LRRC7: variants seen among roughly 807,000 people sequenced by gnomAD.
LRRC7 encodes leucine rich repeat containing 7, also known as leucine-rich repeat-containing protein 7.
In LRRC7, 23 loss-of-function variants were observed where a neutral mutation model predicts 175.7. The ratio of observed to expected loss-of-function variants is 0.13; its 90% CI spans 0.09 to 0.19. The LOEUF (loss-of-function observed/expected upper bound fraction) is 0.19. Among genes scored for constraint, LRRC7 ranks in the 10% least tolerant of loss-of-function variants. The pLI is 1.00. For synonymous variants in LRRC7, 685 were observed against 680.9 expected, an observed-to-expected ratio of 1.01 and a Z score of -0.09; for missense variants, 1,354 against 1,904.7, an observed-to-expected ratio of 0.71 and a Z score of 5.38.
rs904621192 is a variant in LRRC7 at position 69,690,926 on chromosome 1, G to A, written c.100+12448G>A. Reference sequence around the variant, plus strand: ...TTCTTTGGTGACTCAGCTTCTTGTGGGGTCTTTCAGACCAGCTTGTGTCAA... The same window carrying A: ...TTCTTTGGTGACTCAGCTTCTTGTGAGGTCTTTCAGACCAGCTTGTGTCAA... On this transcript the variant is annotated intron_variant, in intron 2 of 26. Coordinates refer to ENST00000651989, the MANE Select transcript of LRRC7 (RefSeq NM_001370785.2). Among the ~76,000 whole-genome samples the A allele has an allele frequency of 1.2e-4, 19 of 152,134 alleles. 1 individual carries two copies. The highest frequency in any genetic ancestry group is 4.6e-4 in the African/African-American group (19 of 41,436).
At chr1:70,075,499 T>C (rs1276474045) in intron 23 of LRRC7, among the ~76,000 whole-genome samples, 1 of 152,196 alleles carries the variant, frequency 6.6e-6, no homozygotes, top group Non-Finnish European at 1.5e-5. Context: ...CAGAGAGAGC[T>C]CATTTCGAAG....
intron 7 of LRRC7, among the ~76,000 whole-genome samples, chr1:69,922,274 G>A (rs1646914270): frequency 6.6e-6 from 1 of 152,006 alleles, no homozygotes; most frequent in South Asian, 2.1e-4. Context: ...AATGCACCAT[G>A]ATCTCTTCCA....
chr1:69,757,695 G>A (rs1670582974), intron 2 of LRRC7, among the ~76,000 whole-genome samples: 1 of 151,918 alleles, frequency 6.6e-6, no homozygotes, highest in South Asian at 2.1e-4. Context: ...AATTTAAAAT[G>A]TGCAATGATA....
chr1:69,950,497 A>G (rs571336988), intron 8 of LRRC7, among the ~76,000 whole-genome samples: 2 of 152,288 alleles, frequency 1.3e-5, no homozygotes, highest in Admixed American at 6.5e-5. Flanking sequence ...TTTGAATGCC[A>G]TGCTAATAAT....
intron 3 of LRRC7, among the ~76,000 whole-genome samples, chr1:69,788,251 T>A (rs1337335894): frequency 1.3e-5 from 2 of 152,178 alleles, no homozygotes; most frequent in Non-Finnish European, 2.9e-5. Flanking sequence ...TCCAGACTCA[T>A]GTAAGTCTAT....
intron 8 of LRRC7, 132 bp downstream of exon 8, chr1:69,931,702 A>G (rs1647400672): frequency 1.4e-6 from 1 of 722,898 alleles, no homozygotes; most frequent in Non-Finnish European, 2.3e-6. Context: ...AAAACCTGGA[A>G]GTTAATATTA....
At chr1:69,938,048 T>C (rs921801428) in intron 8 of LRRC7, among the ~76,000 whole-genome samples, 10 of 151,916 alleles carry the variant, frequency 6.6e-5, no homozygotes, top group Non-Finnish European at 1.3e-4. Flanking sequence ...AATATGATTT[T>C]AAAAACAAAA....
chr1:69,663,808 G>A (rs1373288291), intron 1 of LRRC7, among the ~76,000 whole-genome samples: 2 of 131,244 alleles, frequency 1.5e-5, no homozygotes, highest in Non-Finnish European at 3.1e-5. Context: ...TGCAAGCTCC[G>A]CTTCCCGGGT....
rs1192196393 is a variant in LRRC7, at chr1:70,039,803, G to A, written c.3969+10G>A. On this transcript the variant is annotated intron_variant, in intron 21 of 26. Transcript: ENST00000651989. ...TAGACGGTTAGACAGGGTATGTCTG[G>A]TGTTTCTCTGTAAGAATATCCCTCC... is the stretch of plus-strand genomic sequence containing the variant. 6 of 1,555,664 alleles carry A rather than the reference G, an allele frequency of 3.9e-6. No homozygotes were observed. In the African/African-American group the frequency reaches 5.5e-5, roughly 14 times the overall value.
At chr1:69,608,579 A>C (rs1307526455) in intron 1 of LRRC7, among the ~76,000 whole-genome samples, 1 of 151,956 alleles carries the variant, frequency 6.6e-6, no homozygotes, top group Non-Finnish European at 1.5e-5. Context: ...AGTACCACAG[A>C]CCAGTCACCT....
intron 2 of LRRC7, among the ~76,000 whole-genome samples, chr1:69,715,071 G>A (rs1388862549): frequency 6.6e-6 from 1 of 151,880 alleles, no homozygotes; most frequent in African/African-American, 2.4e-5. Flanking sequence ...AAAGATTTTA[G>A]TATCTAAGTC....
At chr1:69,818,649 T>A (rs1227964465) in intron 4 of LRRC7, among the ~76,000 whole-genome samples, 2 of 152,118 alleles carry the variant, frequency 1.3e-5, no homozygotes, top group African/African-American at 4.8e-5. Flanking sequence ...AAGTGTTCCC[T>A]TCTCTTCAAT....
intron 7 of LRRC7, among the ~76,000 whole-genome samples, chr1:69,886,368 G>A (rs1687199403): frequency 6.6e-6 from 1 of 150,542 alleles, no homozygotes; most frequent in African/African-American, 2.4e-5. Flanking sequence ...TTACCATTAT[G>A]TAATGGCCTT....
intron 1 of LRRC7, among the ~76,000 whole-genome samples, chr1:69,608,848 CTCTCTCTCTCTCTCTCTCTA>C (rs1395828730): frequency 0.011 from 588 of 52,554 alleles, 1 homozygote; most frequent in South Asian, 0.017. Flanking sequence ...CTCTCTCTCT[CTCTCTCTCTCTCTCTCTCTA>C]TATATATATA....
intron 2 of LRRC7, among the ~76,000 whole-genome samples, chr1:69,684,853 G>A (rs1402465236): frequency 6.6e-6 from 1 of 152,162 alleles, no homozygotes; most frequent in African/African-American, 2.4e-5. Context: ...AATCCCAATC[G>A]ACAGGCAGTT....
intron 24 of LRRC7, among the ~76,000 whole-genome samples, chr1:70,088,797 G>A (rs567300776): frequency 2.0e-5 from 3 of 152,122 alleles, no homozygotes; most frequent in African/African-American, 7.2e-5. Flanking sequence ...TGTCATTTCT[G>A]CTGAGTTCTT....
At chr1:69,908,283 G>A (rs1182655265) in intron 7 of LRRC7, among the ~76,000 whole-genome samples, 10 of 152,200 alleles carry the variant, frequency 6.6e-5, no homozygotes, top group African/African-American at 1.9e-4. Context: ...TCTGACTTTA[G>A]TTATTTCTTG....
At chr1:69,936,261 G>C (rs1031971937) in intron 8 of LRRC7, among the ~76,000 whole-genome samples, 1 of 152,070 alleles carries the variant, frequency 6.6e-6, no homozygotes, top group South Asian at 2.1e-4. Flanking sequence ...AGTTGATCAA[G>C]TTTCTCAAAA....
intron 1 of LRRC7, among the ~76,000 whole-genome samples, chr1:69,592,574 T>C (rs573733337): frequency 6.6e-6 from 1 of 152,092 alleles, no homozygotes; most frequent in Admixed American, 6.5e-5. Context: ...AGGACTGGAT[T>C]TATGGCTGTT....
Sources: allele counts gnomAD v4.1 joint callset (sites outside exome capture counted in the v4.1 genomes callset), GRCh38; gene constraint gnomAD v4.1.1; transcripts MANE v1.5; gene names NCBI Gene and HGNC (gene_info 2026-07-23, HGNC 2026-07-21).